SNX25: variants seen among roughly 807,000 people sequenced by gnomAD.
The protein encoded by SNX25 is sorting nexin-25.
A neutral mutation model predicts 113.7 loss-of-function variants in SNX25; 62 were observed. The ratio of observed to expected loss-of-function variants is 0.55; its 90% CI spans 0.44 to 0.67. SNX25 has a LOEUF of 0.67. SNX25 is among the 30% of genes least tolerant of loss of function. SNX25 has a pLI of 0.00. For synonymous variants in SNX25, 421 were observed against 436.2 expected, an observed-to-expected ratio of 0.97 and a Z score of 0.43; for missense variants, 1,014 against 1,161.0, an observed-to-expected ratio of 0.87 and a Z score of 1.84.
At chr4:185,220,611 A>C (rs749716752) in intron 1 of SNX25, among the ~76,000 whole-genome samples, 2 of 151,514 alleles carry the variant, frequency 1.3e-5, no homozygotes, top group Non-Finnish European at 2.9e-5. Flanking sequence ...CCTCCCAAGT[A>C]GCTGGGATAA....
At chr4:185,277,743 T>A in intron 5 of SNX25, among the ~76,000 whole-genome samples, 1 of 37,714 alleles carries the variant, frequency 2.7e-5, no homozygotes, top group East Asian at 1.3e-3. Flanking sequence ...TTTTTTTTTT[T>A]TTTTTTTGAG....
In SNX25 at chr4:185,264,533, T is replaced by C; in HGVS notation, c.827T>C (p.Val276Ala). The change falls in exon 4 of 19, where the codon GTG becomes GCG. Residue 276 changes from valine to alanine, a missense_variant. Physicochemically the swap from Val to Ala is moderately conservative, Grantham distance 64. Coordinates refer to ENST00000652585, the MANE Select transcript of SNX25 (RefSeq NM_001378034.2). ...CTACAAACGTGTTCTCGGGTTCTGG[T>C]GTTTTGTCTCCTCCCCTCAAAGGAT... ...RFLQTCSRVL[V>A]FCLLPSKDVQ... 6.2e-7 allele frequency: 1 copy of C among 1,614,080 alleles called. No homozygotes were observed.
At chr4:185,256,585 A>C (rs374889122) in intron 2 of SNX25, among the ~76,000 whole-genome samples, 169 of 116,288 alleles carry the variant, frequency 1.5e-3, no homozygotes, top group Admixed American at 4.3e-3. Context: ...CCCTCTCCCC[A>C]CCCTCCAATC....
At chr4:185,349,188 TC>T (rs2095303402) in intron 13 of SNX25, among the ~76,000 whole-genome samples, 1 of 152,092 alleles carries the variant, frequency 6.6e-6, no homozygotes, top group Non-Finnish European at 1.5e-5. Flanking sequence ...TTAAAAAAAA[TC>T]ACAAAAAATT....
At chr4:185,348,451 G>A (rs1168475755) in intron 13 of SNX25, among the ~76,000 whole-genome samples, 2 of 151,658 alleles carry the variant, frequency 1.3e-5, no homozygotes, top group African/African-American at 4.8e-5. Flanking sequence ...GGAGTGCAGT[G>A]GTGCAATCTC....
chr4:185,342,902 A>T lies in SNX25; in HGVS notation c.2187+786A>T, dbSNP rs557147254. Among the ~76,000 whole-genome samples the T allele has an allele frequency of 1.2e-4, 19 of 152,012 alleles. No homozygotes were observed. In the East Asian group the frequency reaches 2.5e-3, roughly 20 times the overall value. The stretch of plus-strand genomic sequence containing the variant: ...TTTATCTATTTATTTTTATATATAT[A>T]TTTTTTGAGACGGAGTCCTGCTCTG... On this transcript the variant is annotated intron_variant, in intron 12 of 18. Coordinates refer to ENST00000652585, the MANE Select transcript of SNX25 (RefSeq NM_001378034.2).
chr4:185,295,487 T>G (rs1752716616), intron 6 of SNX25, among the ~76,000 whole-genome samples: 1 of 151,012 alleles, frequency 6.6e-6, no homozygotes, highest in Non-Finnish European at 1.5e-5. Flanking sequence ...TCTGGCTTTG[T>G]CACCCACGCT....
rs1046187797 is a variant in SNX25, at chr4:185,361,960, G to A, written c.2688G>A (p.Glu896=). 4 of 1,613,930 alleles carry A rather than the reference G, an allele frequency of 2.5e-6. No homozygotes were observed. The highest frequency in any genetic ancestry group is 1.7e-5 in the Admixed American group (1 of 59,990). The change falls in exon 17 of 19, where the codon GAG becomes GAA. Residue 896 remains glutamate (E), a synonymous_variant. Coordinates refer to ENST00000652585, the MANE Select transcript of SNX25 (RefSeq NM_001378034.2). ...IRDTVSWIFS[E]QMLVYYINIF... is the part of the protein sequence containing the mutation. Reference sequence around the variant, plus strand: ...ACACAGTCAGCTGGATTTTCAGTGAGCAAATGTTGGTTTACTACATCAATA... The same window carrying A: ...ACACAGTCAGCTGGATTTTCAGTGAACAAATGTTGGTTTACTACATCAATA...
At chr4:185,319,010 G>T (rs1338797654) in intron 7 of SNX25, among the ~76,000 whole-genome samples, 1 of 151,512 alleles carries the variant, frequency 6.6e-6, no homozygotes, top group African/African-American at 2.4e-5. Flanking sequence ...TGCCCTGCCT[G>T]CTCCTTTTTG....
intron 13 of SNX25, among the ~76,000 whole-genome samples, chr4:185,350,659 G>T (rs1050711108): frequency 6.6e-6 from 1 of 152,074 alleles, no homozygotes; most frequent in Non-Finnish European, 1.5e-5. Flanking sequence ...TCAGGAGCTC[G>T]AGATCAGCCT....
At chr4:185,378,039 T>TA in the SNX25 span, 17 of 1,494,752 alleles carry the variant, frequency 1.1e-5, no homozygotes, top group Non-Finnish European at 1.6e-5. Flanking sequence ...AATGAACTGT[T>TA]AAAGTGTTTT....
Position 185,228,221 on chromosome 4 carries a change from G to A in SNX25, c.429+17966G>A, listed in dbSNP as rs148507251. Among the ~76,000 whole-genome samples, 335 of 152,226 alleles carry A rather than the reference G, an allele frequency of 2.2e-3. 1 individual carries two copies. Among genetic ancestry groups the A allele is most frequent in the Non-Finnish European group, 1.9e-3 (131 of 68,016 alleles). ...GGGGAGTGTGTGTTATGGGATTTTT[G>A]TTGTTGTCAGGGAGAGATATTTAAG... On this transcript the variant is annotated intron_variant, in intron 1 of 18. Transcript: ENST00000652585.
At chr4:185,288,134 C>T in intron 6 of SNX25, 52 bp downstream of exon 6, 1 of 1,436,402 alleles carries the variant, frequency 7.0e-7, no homozygotes, top group Non-Finnish European at 9.7e-7. Context: ...TCAGCTTGAT[C>T]CCCGGCCTTC....
At chr4:185,235,775 C>T (rs539459066) in intron 1 of SNX25, among the ~76,000 whole-genome samples, 19 of 152,246 alleles carry the variant, frequency 1.2e-4, no homozygotes, top group Admixed American at 2.6e-4. Context: ...TGTACACACC[C>T]GTAGTCACAG....
chr4:185,280,716 C>A (rs1348978246), intron 5 of SNX25, among the ~76,000 whole-genome samples: 1 of 152,204 alleles, frequency 6.6e-6, no homozygotes, highest in Non-Finnish European at 1.5e-5. Flanking sequence ...CTTCTTTGTG[C>A]TTTCGTGTTC....
chr4:185,285,329 TTC>T (rs535258061), intron 5 of SNX25, among the ~76,000 whole-genome samples: 148 of 152,328 alleles, frequency 9.7e-4, no homozygotes, highest in Middle Eastern at 3.4e-3. Flanking sequence ...TGGTGTTCAT[TTC>T]TGTGTGTCTG....
chr4:185,355,890 C>T (rs763675825), intron 15 of SNX25, among the ~76,000 whole-genome samples: 4 of 152,156 alleles, frequency 2.6e-5, no homozygotes, highest in Non-Finnish European at 5.9e-5. Flanking sequence ...GCTATTGGTA[C>T]AGAGCTTAAG....
At chr4:185,307,929 A>G (rs1754684181) in intron 6 of SNX25, among the ~76,000 whole-genome samples, 1 of 152,126 alleles carries the variant, frequency 6.6e-6, no homozygotes. Flanking sequence ...TAAGTTTTTA[A>G]AAAACTTCTT....
chr4:185,210,371 G>A lies in SNX25; in HGVS notation c.429+116G>A. The A allele has an allele frequency of 1.0e-6, 1 of 982,594 alleles. No homozygotes were observed. The highest frequency in any genetic ancestry group is 1.2e-6 in the Non-Finnish European group (1 of 827,808). The allele number at this position is 982,594 out of a possible 1,614,324, so 60.9% of individuals were successfully genotyped here. ...ATGCCCTTGTCGAAGCGGGAAGCCG[G>A]GAGCCAGGGGGCTGGGCTGCGGGCC... On this transcript the variant is annotated intron_variant, in intron 1 of 18. Transcript: ENST00000652585. The surrounding 1 kb of genome is among the most constrained non-coding windows in gnomAD (Gnocchi z 4.4).
Sources: allele counts gnomAD v4.1 joint callset (sites outside exome capture counted in the v4.1 genomes callset), GRCh38; gene constraint gnomAD v4.1.1; non-coding constraint Gnocchi (gnomAD v3.1); transcripts MANE v1.5; gene names NCBI Gene and HGNC (gene_info 2026-07-23, HGNC 2026-07-21).